ANO6: variants seen among roughly 807,000 people sequenced by gnomAD.
ANO6 encodes anoctamin 6.
In ANO6, 106 loss-of-function variants were observed where a neutral mutation model predicts 117.5. The ratio of observed to expected loss-of-function variants is 0.90; its 90% CI spans 0.77 to 1.06. The LOEUF (loss-of-function observed/expected upper bound fraction) is 1.06, where lower values mean the gene tolerates loss of function less well. ANO6 is among the 50% of genes least tolerant of loss of function. The probability of loss-of-function intolerance (pLI) is 0.00; values close to 1 mark genes in which losing one functional copy is unlikely to be tolerated. For synonymous variants in ANO6, 367 were observed against 385.1 expected (o/e 0.95, Z 0.55); for missense variants, 955 against 1,121.1 (o/e 0.85, Z 2.12).
chr12:45,359,364 A>G (rs1436696769), intron 8 of ANO6, among the ~76,000 whole-genome samples: 1 of 152,168 alleles, frequency 6.6e-6, no homozygotes, highest in Non-Finnish European at 1.5e-5. Context: ...AAGTGCATTC[A>G]CCAAGTTGTG....
intron 2 of ANO6, among the ~76,000 whole-genome samples, chr12:45,303,417 C>CT (rs1565675949): frequency 1.3e-5 from 2 of 152,056 alleles, no homozygotes; most frequent in Middle Eastern, 6.8e-3. Context: ...GAAGCTGCCT[C>CT]TTTTTTTTGT....
At chr12:45,244,290 G>A (rs930206277) in intron 1 of ANO6, among the ~76,000 whole-genome samples, 1 of 151,830 alleles carries the variant, frequency 6.6e-6, no homozygotes, top group African/African-American at 2.4e-5. Context: ...ACTTGTAGAA[G>A]CCTCAGGCAT....
At chr12:45,367,639 C>T in intron 8 of ANO6, 49 bp from the exon 9 acceptor site, 4 of 1,467,844 alleles carry the variant, frequency 2.7e-6, no homozygotes, top group Non-Finnish European at 3.8e-6. Context: ...TAGATTTTAT[C>T]ATGCTGCTTT....
chr12:45,265,522 T>G (rs184921974), intron 1 of ANO6, among the ~76,000 whole-genome samples: 71 of 152,286 alleles, frequency 4.7e-4, no homozygotes, highest in Non-Finnish European at 8.4e-4. Context: ...GTTATGTACC[T>G]TACCATCCTT....
intron 9 of ANO6, among the ~76,000 whole-genome samples, chr12:45,375,097 A>G (rs1294504414): frequency 6.6e-6 from 1 of 152,162 alleles, no homozygotes; most frequent in African/African-American, 2.4e-5. Context: ...GTGAACTCCC[A>G]TTCACAATTG....
intron 2 of ANO6, among the ~76,000 whole-genome samples, chr12:45,326,434 A>C (rs1940468931): frequency 6.6e-6 from 1 of 152,202 alleles, no homozygotes; most frequent in South Asian, 2.1e-4. Flanking sequence ...AATCTAAAGA[A>C]ATATGTGAGT....
intron 1 of ANO6, among the ~76,000 whole-genome samples, chr12:45,277,325 T>G (rs1229346796): frequency 1.3e-5 from 2 of 152,202 alleles, no homozygotes; most frequent in Admixed American, 1.3e-4. Flanking sequence ...TTTCATATAG[T>G]TATGAATAAT....
chr12:45,419,792 A>G (rs1025125995), intron 17 of ANO6, among the ~76,000 whole-genome samples: 1 of 152,112 alleles, frequency 6.6e-6, no homozygotes, highest in Admixed American at 6.5e-5. Flanking sequence ...TTAAAGCCCA[A>G]ATTAAAGAAT....
chr12:45,299,410 G>A (rs1939406132), intron 1 of ANO6, among the ~76,000 whole-genome samples: 1 of 152,110 alleles, frequency 6.6e-6, no homozygotes, highest in South Asian at 2.1e-4. Flanking sequence ...TTCTGCTTTG[G>A]TTCACACATA....
chr12:45,356,861 A>G (rs777158170), intron 7 of ANO6, among the ~76,000 whole-genome samples: 1 of 152,204 alleles, frequency 6.6e-6, no homozygotes, highest in Non-Finnish European at 1.5e-5. Context: ...GACTTACGTT[A>G]CATTTTCTCC....
At chr12:45,324,208 C>T (rs899454737) in intron 2 of ANO6, among the ~76,000 whole-genome samples, 1 of 152,174 alleles carries the variant, frequency 6.6e-6, no homozygotes, top group Non-Finnish European at 1.5e-5. Flanking sequence ...GCTGGGATTA[C>T]AGGCGTGAGT....
intron 1 of ANO6, among the ~76,000 whole-genome samples, chr12:45,277,168 A>G (rs887050003): frequency 4.5e-4 from 69 of 152,018 alleles, no homozygotes; most frequent in Admixed American, 3.3e-3. Flanking sequence ...CATTCCCTCA[A>G]TTGTAATTGT....
chr12:45,421,514 G>A (rs1488305071), intron 18 of ANO6, among the ~76,000 whole-genome samples: 1 of 152,100 alleles, frequency 6.6e-6, no homozygotes, highest in East Asian at 1.9e-4. Context: ...ATGAAGACTA[G>A]GGGTAAAACT....
At chr12:45,216,458 G>C in intron 1 of ANO6, 67 bp downstream of exon 1, 1 of 1,549,068 alleles carries the variant, frequency 6.5e-7, no homozygotes, top group Non-Finnish European at 8.8e-7. Flanking sequence ...TTCGGGGACT[G>C]CGCGGGGGCG....
At chr12:45,416,673 A>G in intron 16 of ANO6, 26 bp from the exon 17 acceptor site, 8 of 1,611,242 alleles carry the variant, frequency 5.0e-6, no homozygotes, top group Non-Finnish European at 6.8e-6. Context: ...CCACCACTCC[A>G]TGATGTGTGT....
chr12:45,272,192 TTTTC>T (rs917228406), intron 1 of ANO6, among the ~76,000 whole-genome samples: 3 of 151,196 alleles, frequency 2.0e-5, no homozygotes, highest in South Asian at 2.1e-4. Flanking sequence ...TTGGGTTTTT[TTTTC>T]TTTTCTTTTT....
chr12:45,241,036 G>C (rs954417055), intron 1 of ANO6, among the ~76,000 whole-genome samples: 1 of 152,162 alleles, frequency 6.6e-6, no homozygotes, highest in Non-Finnish European at 1.5e-5. Context: ...TCTTGAGGTT[G>C]CTCTTCTTGA....
intron 12 of ANO6, among the ~76,000 whole-genome samples, chr12:45,396,392 A>G (rs1423387793): frequency 1.3e-5 from 2 of 152,250 alleles, no homozygotes; most frequent in Non-Finnish European, 2.9e-5. Flanking sequence ...AAGAAGAATC[A>G]ATATCGTGAA....
At chr12:45,243,703 C>T (rs971442705) in intron 1 of ANO6, among the ~76,000 whole-genome samples, 5 of 152,126 alleles carry the variant, frequency 3.3e-5, no homozygotes, top group African/African-American at 1.2e-4. Flanking sequence ...TCACCTGCCA[C>T]CATGCCTGGC....
Sources: gnomAD v4.1 joint callset for allele counts (sites outside exome capture counted in the v4.1 genomes callset) on GRCh38, gnomAD v4.1.1 for gene constraint, MANE v1.5 for transcripts, NCBI Gene and HGNC (gene_info 2026-07-23, HGNC 2026-07-21) for gene names.